Variants in FRMD4A observed in about 807,000 individuals in gnomAD.
The protein encoded by FRMD4A is FERM domain containing 4A, also known as FERM domain-containing protein 4A.
In FRMD4A, 29 loss-of-function variants were observed where a neutral mutation model predicts 129.1. The observed-to-expected ratio is 0.22, with a 90% CI of 0.17 to 0.31. The LOEUF is 0.31. Ranked by LOEUF, FRMD4A falls within the 10% of genes least tolerant of loss-of-function variation. FRMD4A has a pLI of 1.00. For synonymous variants in FRMD4A, 634 were observed against 571.6 expected (o/e 1.11, Z -1.56); for missense variants, 1,272 against 1,375.8 (o/e 0.92, Z 1.19).
At chr10:13,780,483 A>AC (rs1220263924) in intron 6 of FRMD4A, among the ~76,000 whole-genome samples, 2 of 152,206 alleles carry the variant, frequency 1.3e-5, no homozygotes, top group African/African-American at 4.8e-5. Context: ...GCAATTGGAT[A>AC]CAGGACAAGG....
At chr10:13,757,469 A>T (rs1490742403) in intron 8 of FRMD4A, among the ~76,000 whole-genome samples, 1 of 152,262 alleles carries the variant, frequency 6.6e-6, no homozygotes, top group African/African-American at 2.4e-5. Flanking sequence ...GGCAGGCGAT[A>T]CTAATCATCT....
At chr10:13,782,295 A>C (rs746452441) in intron 6 of FRMD4A, among the ~76,000 whole-genome samples, 17 of 152,114 alleles carry the variant, frequency 1.1e-4, no homozygotes, top group Non-Finnish European at 2.4e-4. Flanking sequence ...TGCATTTGTC[A>C]TACTTGTCTA....
chr10:13,677,480 T>C (rs1046296560), intron 15 of FRMD4A, among the ~76,000 whole-genome samples: 6 of 152,236 alleles, frequency 3.9e-5, no homozygotes, highest in African/African-American at 1.4e-4. Context: ...GATTTTGACA[T>C]ACTTCAGTTG....
intron 2 of FRMD4A, among the ~76,000 whole-genome samples, chr10:14,141,976 A>T (rs1312592975): frequency 6.6e-6 from 1 of 152,144 alleles, no homozygotes; most frequent in Non-Finnish European, 1.5e-5. Flanking sequence ...GAAAATGTGT[A>T]TTTGCTCTAA....
chr10:13,997,147 C>G (rs891039516), intron 2 of FRMD4A, among the ~76,000 whole-genome samples: 1 of 150,926 alleles, frequency 6.6e-6, no homozygotes, highest in Admixed American at 6.6e-5. Flanking sequence ...TCTCTCTTGC[C>G]TTTTTTTTTG....
rs1232053700 is a variant in FRMD4A, at chr10:13,821,966, T to G, written c.112-11058A>C. Among the ~76,000 whole-genome samples the G allele has an allele frequency of 6.6e-6, 1 of 151,856 alleles. No individual in the cohort carries two copies. The highest frequency in any genetic ancestry group is 1.5e-5 in the Non-Finnish European group (1 of 67,990). ...TGTTACACTTAGGGGACAGAGCAGG[T>G]CTCGAAGATCCGAAGCAGGAAGGAA... On this transcript the variant is annotated intron_variant, in intron 3 of 24. Transcript: ENST00000357447. The surrounding 1 kb of genome is among the most constrained non-coding windows in gnomAD (Gnocchi z 4.3).
At chr10:13,688,990 A>T (rs948381777) in intron 15 of FRMD4A, among the ~76,000 whole-genome samples, 2 of 152,012 alleles carry the variant, frequency 1.3e-5, no homozygotes, top group African/African-American at 4.8e-5. Flanking sequence ...GGCCTGAGCC[A>T]TTGCACCTGG....
chr10:14,004,004 C>T (rs1468759378), intron 2 of FRMD4A, among the ~76,000 whole-genome samples: 3 of 152,182 alleles, frequency 2.0e-5, no homozygotes, highest in African/African-American at 4.8e-5. Context: ...AACCATCTGG[C>T]TTTAGAAGGA....
intron 8 of FRMD4A, among the ~76,000 whole-genome samples, chr10:13,754,567 C>T (rs903082355): frequency 6.8e-6 from 1 of 147,888 alleles, no homozygotes; most frequent in Non-Finnish European, 1.5e-5. Flanking sequence ...ACAATTCTTT[C>T]GTGTGTGTGT....
chr10:14,300,464 T>C (rs1846148857), intron 2 of FRMD4A, among the ~76,000 whole-genome samples: 1 of 152,204 alleles, frequency 6.6e-6, no homozygotes, highest in African/African-American at 2.4e-5. Context: ...CTTAAGGCAA[T>C]TTAGCATCAG....
At chr10:13,777,136 G>A (rs891256661) in intron 6 of FRMD4A, among the ~76,000 whole-genome samples, 1 of 152,170 alleles carries the variant, frequency 6.6e-6, no homozygotes, top group African/African-American at 2.4e-5. Context: ...GGGTCTGCCC[G>A]GCAGCAAAAG....
chr10:14,087,668 A>C (rs1836370012), intron 2 of FRMD4A: 1 of 152,190 alleles, frequency 6.6e-6, no homozygotes, highest in South Asian at 2.1e-4. Flanking sequence ...AACAAACATC[A>C]GCCCTGACAC....
chr10:13,990,342 A>T (rs1355486083), intron 2 of FRMD4A, among the ~76,000 whole-genome samples: 1 of 151,830 alleles, frequency 6.6e-6, no homozygotes, highest in East Asian at 1.9e-4. Context: ...TCCAGAGGGG[A>T]ATGTGGGACA....
chr10:13,822,771 G>T (rs1488204331), intron 3 of FRMD4A, among the ~76,000 whole-genome samples: 1 of 152,132 alleles, frequency 6.6e-6, no homozygotes, highest in Non-Finnish European at 1.5e-5. Flanking sequence ...CCCCAGGAAA[G>T]GATATGTCAT....
chr10:14,027,300 G>A (rs1684248472), intron 2 of FRMD4A, among the ~76,000 whole-genome samples: 1 of 152,214 alleles, frequency 6.6e-6, no homozygotes, highest in East Asian at 1.9e-4. Flanking sequence ...TCTCAACCAT[G>A]ACTTTATGTG....
At chr10:13,718,383 C>T (rs2089067718) in intron 12 of FRMD4A, among the ~76,000 whole-genome samples, 1 of 152,266 alleles carries the variant, frequency 6.6e-6, no homozygotes, top group African/African-American at 2.4e-5. Context: ...TGGGCCTGCC[C>T]CGCTCCAGCC....
intron 2 of FRMD4A, among the ~76,000 whole-genome samples, chr10:13,925,062 T>TAA (rs57484737): frequency 4.5e-4 from 46 of 103,222 alleles, no homozygotes; most frequent in African/African-American, 1.3e-3. Flanking sequence ...AGACTCCGTG[T>TAA]AAAAAAAAAA....
At position 13,699,646 on chromosome 10, in the gene FRMD4A, C is replaced by T. The variant is rs564840532; in HGVS notation, c.975+1694G>A. ...GTGGTACAGTGCGTGGGGGGTCTGC[C>T]GTCAAGGGGAACTGGCAGTGGGGTT... is the stretch of plus-strand genomic sequence containing the variant. On this transcript the variant is annotated intron_variant, in intron 14 of 24. Transcript: ENST00000357447. Among the ~76,000 whole-genome samples, 8 of 152,166 alleles carry T rather than the reference C, an allele frequency of 5.3e-5. No individual in the cohort carries two copies. In the South Asian group the frequency reaches 6.2e-4, roughly 12 times the overall value.
At chr10:13,843,893 A>G (rs2094006367) in intron 3 of FRMD4A, among the ~76,000 whole-genome samples, 1 of 152,230 alleles carries the variant, frequency 6.6e-6, no homozygotes, top group Non-Finnish European at 1.5e-5. Flanking sequence ...CAGAGAGGAC[A>G]CAAGTCAAGG....
Sources: allele counts gnomAD v4.1 joint callset (sites outside exome capture counted in the v4.1 genomes callset), GRCh38; gene constraint gnomAD v4.1.1; non-coding constraint Gnocchi (gnomAD v3.1); transcripts MANE v1.5; gene names NCBI Gene and HGNC (gene_info 2026-07-23, HGNC 2026-07-21).